The following HERC3 variants were observed in gnomAD, a reference collection of about 807,000 sequenced individuals.
The protein encoded by HERC3 is probable E3 ubiquitin-protein ligase HERC3.
Under a neutral mutation model 129.9 loss-of-function variants are expected in HERC3, and 58 were observed. The ratio of observed to expected loss-of-function variants is 0.45; its 90% CI spans 0.36 to 0.56. The LOEUF (loss-of-function observed/expected upper bound fraction) is 0.56. Among genes scored for constraint, HERC3 ranks in the 20% least tolerant of loss-of-function variants. HERC3 has a pLI of 0.00. For synonymous variants in HERC3, 430 were observed against 451.0 expected, an observed-to-expected ratio of 0.95 and a Z score of 0.59; for missense variants, 835 against 1,244.2, an observed-to-expected ratio of 0.67 and a Z score of 4.95.
the HERC3 span, among the ~76,000 whole-genome samples, chr4:88,532,071 A>G: frequency 6.6e-6 from 1 of 152,146 alleles, no homozygotes; most frequent in Non-Finnish European, 1.5e-5. Flanking sequence ...CCTACACTGA[A>G]CCCTGACTGG....
At chr4:88,668,859 G>C (rs1366440553) in intron 14 of HERC3, among the ~76,000 whole-genome samples, 1 of 152,032 alleles carries the variant, frequency 6.6e-6, no homozygotes, top group Non-Finnish European at 1.5e-5. Context: ...TTGTAGAAGA[G>C]ATAAAAACAG....
chr4:88,689,950 T>G (rs1733902798), intron 23 of HERC3: 1 of 960,066 alleles, frequency 1.0e-6, no homozygotes, highest in Non-Finnish European at 1.2e-6. Context: ...ATTTTTTTTT[T>G]GTCATGTTAA....
At chr4:88,647,997 A>G in intron 3 of HERC3, among the ~76,000 whole-genome samples, 1 of 152,256 alleles carries the variant, frequency 6.6e-6, no homozygotes, top group Admixed American at 6.5e-5. Context: ...CCAAAGAGTT[A>G]ATCTTTTAAA....
chr4:88,537,244 C>T, the HERC3 span, among the ~76,000 whole-genome samples: 1 of 152,106 alleles, frequency 6.6e-6, no homozygotes, highest in Non-Finnish European at 1.5e-5. Context: ...AGATCCAATC[C>T]AGGATGAGAC....
chr4:88,570,390 T>C, the HERC3 span, among the ~76,000 whole-genome samples: 1 of 152,106 alleles, frequency 6.6e-6, no homozygotes, highest in African/African-American at 2.4e-5. Flanking sequence ...TAGTCAGAGG[T>C]TTACTATCTT....
chr4:88,532,761 C>T, the HERC3 span, among the ~76,000 whole-genome samples: 1 of 152,136 alleles, frequency 6.6e-6, no homozygotes, highest in Admixed American at 6.5e-5. Context: ...CTCAGGAAAA[C>T]AATCATCCTC....
intron 3 of HERC3, among the ~76,000 whole-genome samples, chr4:88,616,887 G>A (rs1197415843): frequency 6.6e-6 from 1 of 152,052 alleles, no homozygotes; most frequent in East Asian, 1.9e-4. Flanking sequence ...TTGTAGTGAT[G>A]CAGAGATTTA....
chr4:88,684,633 C>A (rs544973614), intron 21 of HERC3, among the ~76,000 whole-genome samples: 4 of 152,132 alleles, frequency 2.6e-5, no homozygotes, highest in African/African-American at 7.2e-5. Context: ...CGGATCTAAT[C>A]GAACTAAAGA....
chr4:88,704,863 C>CTTTCTTTT (rs1336673525), intron 25 of HERC3, among the ~76,000 whole-genome samples: 8 of 130,660 alleles, frequency 6.1e-5, no homozygotes, highest in African/African-American at 1.5e-4. Context: ...TTCTTTCTTT[C>CTTTCTTTT]TTTTTTTTTT....
chr4:88,529,753 C>CAAA, the HERC3 span, among the ~76,000 whole-genome samples: 106 of 133,716 alleles, frequency 7.9e-4, no homozygotes, highest in African/African-American at 2.4e-3. Context: ...GACTATGTCT[C>CAAA]AAAAAAAAAA....
chr4:88,601,590 A>G (rs1172843279), intron 2 of HERC3, among the ~76,000 whole-genome samples: 1 of 152,244 alleles, frequency 6.6e-6, no homozygotes, highest in East Asian at 1.9e-4. Flanking sequence ...CATTTCTGTT[A>G]GAATCCATCC....
rs374892585 is a variant in HERC3, at chr4:88,654,489, T to G, written c.777+356T>G. Among the ~76,000 whole-genome samples, 7 of 146,698 alleles carry G rather than the reference T, an allele frequency of 4.8e-5. No individual in the cohort carries two copies. In the East Asian group the frequency reaches 1.4e-3, roughly 29 times the overall value. ...TATAAATATAATGTATATATTTATA[T>G]ATATATAAATTCCTTGGTTCTTTAT... On this transcript the variant is annotated intron_variant, in intron 7 of 25. Transcript: ENST00000402738.
At chr4:88,636,111 T>C (rs1161240109) in intron 3 of HERC3, among the ~76,000 whole-genome samples, 2 of 152,180 alleles carry the variant, frequency 1.3e-5, no homozygotes, top group African/African-American at 2.4e-5. Flanking sequence ...AATAACCAGC[T>C]AGCGTCATGA....
At chr4:88,599,351 C>CT (rs1165422667) in intron 2 of HERC3, among the ~76,000 whole-genome samples, 2 of 151,530 alleles carry the variant, frequency 1.3e-5, no homozygotes, top group Non-Finnish European at 2.9e-5. Flanking sequence ...AGATACACAT[C>CT]TTTTTTGTGG....
At chr4:88,619,487 G>A (rs1316829042) in intron 3 of HERC3, among the ~76,000 whole-genome samples, 1 of 152,082 alleles carries the variant, frequency 6.6e-6, no homozygotes, top group Non-Finnish European at 1.5e-5. Context: ...AATTCCAGAT[G>A]TATGAAAGAC....
At chr4:88,583,420 A>G in the HERC3 span, among the ~76,000 whole-genome samples, 1 of 151,776 alleles carries the variant, frequency 6.6e-6, no homozygotes, top group African/African-American at 2.4e-5. Context: ...CAGCCTGGAT[A>G]CAGAGTGAGA....
chr4:88,538,005 C>A, the HERC3 span, among the ~76,000 whole-genome samples: 2 of 152,200 alleles, frequency 1.3e-5, no homozygotes, highest in Non-Finnish European at 2.9e-5. Context: ...ACTTTACAAT[C>A]AAAAATAGGT....
the HERC3 span, among the ~76,000 whole-genome samples, chr4:88,583,301 T>A: frequency 6.6e-6 from 1 of 151,834 alleles, no homozygotes; most frequent in Non-Finnish European, 1.5e-5. Flanking sequence ...CCAGGCATGG[T>A]GGTGGGTGCC....
At chr4:88,686,036 T>C (rs1328922978) in intron 21 of HERC3, among the ~76,000 whole-genome samples, 1 of 152,198 alleles carries the variant, frequency 6.6e-6, no homozygotes, top group Non-Finnish European at 1.5e-5. Context: ...AGCAGTGTTT[T>C]ATGCTGAATT....
Sources: allele counts gnomAD v4.1 joint callset (sites outside exome capture counted in the v4.1 genomes callset), GRCh38; gene constraint gnomAD v4.1.1; transcripts MANE v1.5; gene names NCBI Gene and HGNC (gene_info 2026-07-23, HGNC 2026-07-21).